PTPRG: variants seen among roughly 807,000 people sequenced by gnomAD.
The protein encoded by PTPRG is receptor-type tyrosine-protein phosphatase gamma.
A neutral mutation model predicts 165.3 loss-of-function variants in PTPRG; 102 were observed. That is an observed-to-expected ratio of 0.62 (90% CI 0.53 to 0.73). PTPRG has a LOEUF of 0.73. Ranked by LOEUF, PTPRG falls within the 30% of genes least tolerant of loss-of-function variation. PTPRG has a pLI of 0.00. For synonymous variants in PTPRG, 675 were observed against 669.5 expected, an observed-to-expected ratio of 1.01 and a Z score of -0.13; for missense variants, 1,866 against 1,861.4, an observed-to-expected ratio of 1.00 and a Z score of -0.05.
At chr3:61,940,604 G>A (rs1575806350) in intron 2 of PTPRG, among the ~76,000 whole-genome samples, 2 of 151,984 alleles carry the variant, frequency 1.3e-5, no homozygotes, top group East Asian at 3.9e-4. Context: ...TTCTCAAGGG[G>A]ATTTTATTCT....
chr3:61,983,053 T>C (rs1278079611), intron 2 of PTPRG, among the ~76,000 whole-genome samples: 2 of 152,184 alleles, frequency 1.3e-5, no homozygotes, highest in Non-Finnish European at 2.9e-5. Flanking sequence ...TCTTAACTGG[T>C]TTAAAATTTA....
intron 16 of PTPRG, among the ~76,000 whole-genome samples, chr3:62,257,455 T>C (rs2106993843): frequency 6.6e-6 from 1 of 152,292 alleles, no homozygotes; most frequent in East Asian, 1.9e-4. Flanking sequence ...ATGGCCAGCA[T>C]TTACTAGTTA....
At chr3:62,066,704 C>T (rs1222716820) in intron 4 of PTPRG, among the ~76,000 whole-genome samples, 1 of 152,166 alleles carries the variant, frequency 6.6e-6, no homozygotes, top group Non-Finnish European at 1.5e-5. Flanking sequence ...ATTGCAGTCA[C>T]CTCAAGAGAA....
chr3:62,136,916 T>C (rs1199388786), intron 6 of PTPRG, among the ~76,000 whole-genome samples: 2 of 152,142 alleles, frequency 1.3e-5, no homozygotes, highest in Non-Finnish European at 2.9e-5. Flanking sequence ...TAACATTGCT[T>C]CTCTATTGCT....
Position 62,199,832 on chromosome 3 carries a change from A to C in PTPRG, c.1328-1673A>C, listed in dbSNP as rs370917315. On this transcript the variant is annotated intron_variant, in intron 10 of 29. Transcript: ENST00000474889. ...TTGTTTAGCATTATTTGCAATAGCC[A>C]AAAGGTGAAAGCAACCTAAGTGTCC... Among the ~76,000 whole-genome samples the C allele has an allele frequency of 4.1e-3, 618 of 152,338 alleles. 3 individuals are homozygous for C. Among genetic ancestry groups the C allele is most frequent in the African/African-American group, 0.014 (596 of 41,570 alleles).
intron 2 of PTPRG, among the ~76,000 whole-genome samples, chr3:61,935,890 G>C (rs963331827): frequency 3.7e-5 from 5 of 135,248 alleles, no homozygotes; most frequent in Non-Finnish European, 6.7e-5. Context: ...TTAAATGATG[G>C]TGTTCCCTTC....
At chr3:61,691,297 C>T (rs2030193486) in intron 1 of PTPRG, among the ~76,000 whole-genome samples, 1 of 152,252 alleles carries the variant, frequency 6.6e-6, no homozygotes, top group Non-Finnish European at 1.5e-5. Flanking sequence ...GTCCCATCTA[C>T]TCTGGAGGCT....
intron 1 of PTPRG, among the ~76,000 whole-genome samples, chr3:61,637,660 G>A (rs1350506516): frequency 6.6e-6 from 1 of 152,184 alleles, no homozygotes; most frequent in Non-Finnish European, 1.5e-5. Context: ...AGACTTCTTA[G>A]GAGTCCACCG....
intron 2 of PTPRG, among the ~76,000 whole-genome samples, chr3:61,956,972 G>A (rs950073651): frequency 6.6e-6 from 1 of 152,112 alleles, no homozygotes; most frequent in African/African-American, 2.4e-5. Flanking sequence ...AGGGTACATA[G>A]GAAATTAGGT....
intron 2 of PTPRG, among the ~76,000 whole-genome samples, chr3:61,985,527 C>A (rs1169169653): frequency 6.6e-6 from 1 of 152,166 alleles, no homozygotes; most frequent in Non-Finnish European, 1.5e-5. Flanking sequence ...TACAGCTACC[C>A]TTTGGTATCT....
chr3:62,197,206 G>C (rs1576123631), intron 10 of PTPRG, among the ~76,000 whole-genome samples: 1 of 152,136 alleles, frequency 6.6e-6, no homozygotes, highest in Non-Finnish European at 1.5e-5. Context: ...CTACCCCATA[G>C]GGTCTTTGTA....
rs926330367 is a variant in PTPRG at position 62,237,136 on chromosome 3, T to A, written c.2375+5825T>A. 6.6e-6 allele frequency among the ~76,000 whole-genome samples: 1 copy of A among 152,162 alleles called. No individual in the cohort carries two copies. Among genetic ancestry groups the A allele is most frequent in the Non-Finnish European group, 1.5e-5 (1 of 68,028 alleles). On this transcript the variant is annotated intron_variant, in intron 14 of 29. Coordinates refer to ENST00000474889, the MANE Select transcript of PTPRG (RefSeq NM_002841.4). This position sits in a 1 kb window ranked among gnomAD's most constrained non-coding sequence, Gnocchi z 4.5. ...CTTGTCAGAAGGGCAGAAAAAGATA[T>A]AAGAAAATTGTTAGCTCATATCAGA...
At chr3:61,636,471 G>A (rs1400977489) in intron 1 of PTPRG, among the ~76,000 whole-genome samples, 1 of 152,096 alleles carries the variant, frequency 6.6e-6, no homozygotes, top group Non-Finnish European at 1.5e-5. Context: ...CATCTATCTT[G>A]TTGTATCAGT....
chr3:61,591,991 TGG>T (rs1700581062), intron 1 of PTPRG, among the ~76,000 whole-genome samples: 2 of 151,116 alleles, frequency 1.3e-5, no homozygotes, highest in African/African-American at 4.9e-5. Context: ...TTTTTTTTTT[TGG>T]ATGGAGTTTC....
intron 2 of PTPRG, among the ~76,000 whole-genome samples, chr3:61,815,811 G>A (rs2035745378): frequency 6.6e-6 from 1 of 152,166 alleles, no homozygotes. Flanking sequence ...TACAGGCACT[G>A]GGGATATAGG....
Position 61,709,699 on chromosome 3 carries a change from G to T in PTPRG, c.86-39179G>T, listed in dbSNP as rs76732142. The stretch of plus-strand genomic sequence containing the variant: ...TGCCTAAGATACTTACTATCTAGCC[G>T]TGTATGGAAAAATTTTGCAATGCCT... On this transcript the variant is annotated intron_variant, in intron 1 of 29. Coordinates refer to ENST00000474889, the MANE Select transcript of PTPRG (RefSeq NM_002841.4). Among the ~76,000 whole-genome samples the T allele has an allele frequency of 6.9e-3, 1,044 of 152,240 alleles. 17 individuals are homozygous for T. Among genetic ancestry groups the T allele is most frequent in the South Asian group, 0.028 (133 of 4,818 alleles).
In PTPRG at chr3:62,269,015, C is replaced by A. The variant is rs766408363; in HGVS notation, c.2875-20C>A. On this transcript the variant is annotated intron_variant, in intron 19 of 29. Transcript: ENST00000474889. Reference sequence around the variant, plus strand: ...TGGCATAGATTGCAGTTATACTTTACAACTTTTTTCTTTCTGCAGCGAAAA... The same window carrying A: ...TGGCATAGATTGCAGTTATACTTTAAAACTTTTTTCTTTCTGCAGCGAAAA... The A allele has an allele frequency of 1.3e-6, 2 of 1,535,970 alleles. No individual in the cohort carries two copies. Among genetic ancestry groups the A allele is most frequent in the Non-Finnish European group, 1.8e-6 (2 of 1,131,338 alleles).
chr3:61,586,043 G>A (rs1266993810), intron 1 of PTPRG, among the ~76,000 whole-genome samples: 1 of 152,182 alleles, frequency 6.6e-6, no homozygotes, highest in Non-Finnish European at 1.5e-5. Flanking sequence ...GCCTCTGGAC[G>A]GTTGAGACAA....
intron 2 of PTPRG, among the ~76,000 whole-genome samples, chr3:61,850,008 C>T (rs957842948): frequency 1.3e-5 from 2 of 152,138 alleles, no homozygotes; most frequent in South Asian, 4.1e-4. Context: ...ATACAAACCT[C>T]ATTTCCTTGT....
Sources: gnomAD v4.1 joint callset for allele counts (sites outside exome capture counted in the v4.1 genomes callset) on GRCh38, gnomAD v4.1.1 for gene constraint, Gnocchi (gnomAD v3.1) non-coding constraint, MANE v1.5 for transcripts, NCBI Gene and HGNC (gene_info 2026-07-23, HGNC 2026-07-21) for gene names.